BCAS3: variants seen among roughly 807,000 people sequenced by gnomAD.
BCAS3 encodes the protein BCAS3 microtubule associated cell migration factor, also known as BCAS4/BCAS3 fusion.
A neutral mutation model predicts 116.1 loss-of-function variants in BCAS3; 53 were observed. That is an observed-to-expected ratio of 0.46 (90% CI 0.37 to 0.57). BCAS3 has a LOEUF of 0.57. Among genes scored for constraint, BCAS3 ranks in the 20% least tolerant of loss-of-function variants. The pLI, the probability that BCAS3 is intolerant of heterozygous loss-of-function variation, is 0.00. For missense variants in BCAS3, 917 were observed against 1,165.4 expected, an observed-to-expected ratio of 0.79 and a Z score of 3.10; for synonymous variants, 391 against 408.2, an observed-to-expected ratio of 0.96 and a Z score of 0.51.
rs1038959575 is a variant in BCAS3 at position 61,073,571 on chromosome 17, A to G, written c.2030-1349A>G. 1.3e-5 allele frequency among the ~76,000 whole-genome samples: 2 copies of G among 152,196 alleles called. No homozygotes were observed. Among genetic ancestry groups the G allele is most frequent in the Admixed American group, 6.5e-5 (1 of 15,274 alleles). ...TCTTTCTGGGAACATATATTAAGAA[A>G]TTTATATATTTACATCCTCTGATTT... On this transcript the variant is annotated intron_variant, in intron 19 of 23. Transcript: ENST00000407086. This position sits in a 1 kb window ranked among gnomAD's most constrained non-coding sequence, Gnocchi z 4.6.
In BCAS3 at chr17:61,239,892, T is replaced by A. The variant is rs2083326651; in HGVS notation, c.2426-128435T>A. Among the ~76,000 whole-genome samples the A allele has an allele frequency of 6.6e-6, 1 of 152,232 alleles. No homozygotes were observed. The highest frequency in any genetic ancestry group is 6.5e-5 in the Admixed American group (1 of 15,276). On this transcript the variant is annotated intron_variant, in intron 22 of 23. Transcript: ENST00000407086. This position sits in a 1 kb window ranked among gnomAD's most constrained non-coding sequence, Gnocchi z 4.2. Reference sequence around the variant, plus strand: ...CTTGACCTTTTAAATGTGAATATATTTTTTTAAAAGAACACTCAGGTATGT... The same window carrying A: ...CTTGACCTTTTAAATGTGAATATATATTTTTAAAAGAACACTCAGGTATGT...
intron 22 of BCAS3, among the ~76,000 whole-genome samples, chr17:61,133,859 CAAAAAAAAAA>C (rs11449964): frequency 8.5e-5 from 7 of 81,922 alleles, no homozygotes; most frequent in Admixed American, 1.5e-4. Flanking sequence ...CCTGGAATCT[CAAAAAAAAAA>C]AAAAAAAAAA....
At chr17:60,801,548 G>A (rs911195622) in intron 6 of BCAS3, among the ~76,000 whole-genome samples, 4 of 151,846 alleles carry the variant, frequency 2.6e-5, no homozygotes, top group Admixed American at 6.6e-5. Context: ...TAGTGAGAGT[G>A]GACACTCTTG....
chr17:60,695,207 A>G (rs940182030), intron 4 of BCAS3, among the ~76,000 whole-genome samples: 3 of 145,346 alleles, frequency 2.1e-5, no homozygotes, highest in Admixed American at 7.2e-5. Flanking sequence ...TGAAACCTCC[A>G]TCTCCCAGGT....
chr17:61,286,650 G>T lies in BCAS3; in HGVS notation c.2426-81677G>T, dbSNP rs1419019062. Among the ~76,000 whole-genome samples the T allele has an allele frequency of 6.6e-6, 1 of 152,122 alleles. No individual in the cohort carries two copies. The highest frequency in any genetic ancestry group is 1.9e-4 in the East Asian group (1 of 5,190). On this transcript the variant is annotated intron_variant, in intron 22 of 23. Transcript: ENST00000407086. This position sits in a 1 kb window ranked among gnomAD's most constrained non-coding sequence, Gnocchi z 4.8. ...GTTAGCAGGGCTAAGTTAAATACTC[G>T]CTTTACACCGTTGTGAAGGCAGCTC... is the stretch of plus-strand genomic sequence containing the variant.
intron 14 of BCAS3, 131 bp from the exon 15 acceptor site, chr17:60,989,840 T>C: frequency 1.0e-6 from 1 of 990,416 alleles, no homozygotes; most frequent in Non-Finnish European, 1.5e-6. Context: ...TAAATTTTTA[T>C]TTATTACCTG....
At chr17:60,921,505 T>C (rs900226077) in intron 12 of BCAS3, among the ~76,000 whole-genome samples, 8 of 146,844 alleles carry the variant, frequency 5.4e-5, no homozygotes, top group Non-Finnish European at 1.2e-4. Context: ...CCCAGCTACT[T>C]GGGAGGCTGA....
intron 22 of BCAS3, chr17:61,245,221 C>G (rs9907515): frequency 6.6e-6 from 1 of 152,108 alleles, no homozygotes; most frequent in Admixed American, 6.5e-5. Context: ...CATCAGATCT[C>G]GTGAGAACCA....
intron 6 of BCAS3, among the ~76,000 whole-genome samples, chr17:60,772,442 G>T (rs2044808622): frequency 6.6e-6 from 1 of 152,144 alleles, no homozygotes; most frequent in African/African-American, 2.4e-5. Flanking sequence ...GTTCTTTGTA[G>T]ATTCTGGATA....
intron 10 of BCAS3, among the ~76,000 whole-genome samples, chr17:60,893,206 A>G (rs1483360355): frequency 2.0e-5 from 3 of 151,950 alleles, no homozygotes; most frequent in African/African-American, 7.3e-5. Context: ...TGTTTACTCT[A>G]TCGATTATTT....
rs1247735445 is a variant in BCAS3 at position 61,023,711 on chromosome 17, G to A, written c.1637+7810G>A. On this transcript the variant is annotated intron_variant, in intron 16 of 23. Coordinates refer to ENST00000407086, the MANE Select transcript of BCAS3 (RefSeq NM_017679.5). The surrounding 1 kb of genome is among the most constrained non-coding windows in gnomAD (Gnocchi z 4.8). Reference sequence around the variant, plus strand: ...AAAACATAATTCTTTCCTATCTTCTGGGAGTCTCCTGAAGAAACCCTTTGA... The same window carrying A: ...AAAACATAATTCTTTCCTATCTTCTAGGAGTCTCCTGAAGAAACCCTTTGA... Among the ~76,000 whole-genome samples, 1 of 152,028 alleles carries A rather than the reference G, an allele frequency of 6.6e-6. No individual in the cohort carries two copies. Among genetic ancestry groups the A allele is most frequent in the Non-Finnish European group, 1.5e-5 (1 of 67,986 alleles).
chr17:60,956,030 A>G lies in BCAS3; in HGVS notation c.1221+8678A>G, dbSNP rs77752985. Among the ~76,000 whole-genome samples, 3,216 of 152,304 alleles carry G rather than the reference A, an allele frequency of 0.021. 118 individuals are homozygous for G. The highest frequency in any genetic ancestry group is 0.072 in the African/African-American group (2,977 of 41,554). ...TCTTTTGTACTTATAAAAATTTACA[A>G]GGTTTTTGGGGCAGTAATTTAAAAC... On this transcript the variant is annotated intron_variant, in intron 14 of 23. Transcript: ENST00000407086. The surrounding 1 kb of genome is among the most constrained non-coding windows in gnomAD (Gnocchi z 4.2).
At chr17:60,840,803 G>C (rs2051831147) in intron 7 of BCAS3, among the ~76,000 whole-genome samples, 1 of 152,186 alleles carries the variant, frequency 6.6e-6, no homozygotes, top group South Asian at 2.1e-4. Context: ...CAAATCTTTT[G>C]ACAGGTTAAC....
At position 61,259,752 on chromosome 17, in the gene BCAS3, C is replaced by G. The variant is rs1158527626; in HGVS notation, c.2426-108575C>G. The stretch of plus-strand genomic sequence containing the variant: ...TAGGACAATCATATTGGAGATCTCC[C>G]TGGACATCAGACACTTGCTATCATT... On this transcript the variant is annotated intron_variant, in intron 22 of 23. Coordinates refer to ENST00000407086, the MANE Select transcript of BCAS3 (RefSeq NM_017679.5). This position sits in a 1 kb window ranked among gnomAD's most constrained non-coding sequence, Gnocchi z 4.7. 2.0e-5 allele frequency among the ~76,000 whole-genome samples: 3 copies of G among 152,126 alleles called. No homozygotes were observed. Among genetic ancestry groups the G allele is most frequent in the African/African-American group, 7.2e-5 (3 of 41,432 alleles).
chr17:60,703,292 A>G (rs553961458), intron 4 of BCAS3, among the ~76,000 whole-genome samples: 63 of 145,648 alleles, frequency 4.3e-4, no homozygotes, highest in Non-Finnish European at 3.0e-5. Flanking sequence ...AGAAAAAAAG[A>G]AAATGCAGCT....
intron 22 of BCAS3, among the ~76,000 whole-genome samples, chr17:61,089,085 G>A (rs536153362): frequency 6.6e-6 from 1 of 152,070 alleles, no homozygotes; most frequent in Admixed American, 6.5e-5. Context: ...GTTTTTTGTT[G>A]TTCTTGACTC....
At chr17:60,788,369 A>C (rs746695739) in intron 6 of BCAS3, among the ~76,000 whole-genome samples, 1 of 152,122 alleles carries the variant, frequency 6.6e-6, no homozygotes, top group Non-Finnish European at 1.5e-5. Context: ...GGTGCTTTTT[A>C]AGGTCTGATG....
At chr17:61,115,421 G>A (rs1266031813) in intron 22 of BCAS3, among the ~76,000 whole-genome samples, 1 of 148,702 alleles carries the variant, frequency 6.7e-6, no homozygotes, top group African/African-American at 2.5e-5. Flanking sequence ...CCATCAAAAA[G>A]TGGGCAAAGG....
At chr17:61,305,712 A>G (rs921841298) in intron 22 of BCAS3, among the ~76,000 whole-genome samples, 1 of 152,164 alleles carries the variant, frequency 6.6e-6, no homozygotes, top group African/African-American at 2.4e-5. Context: ...CCTGGGCAAC[A>G]TGGTGAAACC....
Sources: allele counts gnomAD v4.1 joint callset (sites outside exome capture counted in the v4.1 genomes callset), GRCh38; gene constraint gnomAD v4.1.1; non-coding constraint Gnocchi (gnomAD v3.1); transcripts MANE v1.5; gene names NCBI Gene and HGNC (gene_info 2026-07-23, HGNC 2026-07-21).